Variants in LRP1B observed in about 807,000 individuals in gnomAD.
LRP1B encodes low-density lipoprotein receptor-related protein 1B.
Under a neutral mutation model 556.6 loss-of-function variants are expected in LRP1B, and 217 were observed. The ratio of observed to expected loss-of-function variants is 0.39; its 90% CI spans 0.35 to 0.44. LRP1B has a LOEUF of 0.44. LRP1B is among the 20% of genes least tolerant of loss of function. The pLI is 1.00. For synonymous variants in LRP1B, 2,047 were observed against 1,865.8 expected, an observed-to-expected ratio of 1.10 and a Z score of -2.50; for missense variants, 5,053 against 5,620.8, an observed-to-expected ratio of 0.90 and a Z score of 3.23.
chr2:140,743,965 C>CAAAA (rs780716758), intron 35 of LRP1B, among the ~76,000 whole-genome samples: 4 of 2,546 alleles, frequency 1.6e-3, no homozygotes, highest in Non-Finnish European at 3.6e-3. Flanking sequence ...GACTTGGTCT[C>CAAAA]AAAAAAAAAA....
At chr2:141,088,318 C>G (rs1394919403) in intron 7 of LRP1B, among the ~76,000 whole-genome samples, 1 of 152,112 alleles carries the variant, frequency 6.6e-6, no homozygotes, top group Non-Finnish European at 1.5e-5. Flanking sequence ...TCTTTAATTA[C>G]ATCAATTTCA....
At chr2:141,608,769 G>T (rs1193581186) in intron 2 of LRP1B, among the ~76,000 whole-genome samples, 1 of 152,114 alleles carries the variant, frequency 6.6e-6, no homozygotes, top group Non-Finnish European at 1.5e-5. Context: ...ACACTTTATT[G>T]TAAATTCCCT....
intron 20 of LRP1B, among the ~76,000 whole-genome samples, chr2:140,929,233 G>A (rs1322479199): frequency 1.3e-5 from 2 of 152,070 alleles, no homozygotes; most frequent in Non-Finnish European, 2.9e-5. Flanking sequence ...TATGTAGGCA[G>A]TTACAAACAA....
chr2:141,258,862 C>T (rs300407), intron 3 of LRP1B, among the ~76,000 whole-genome samples: 150,249 of 152,282 alleles, frequency 0.99, 74,147 homozygotes, highest in East Asian at 1. Context: ...TCCTGAGGCC[C>T]CCTCAGCCAT....
intron 18 of LRP1B, among the ~76,000 whole-genome samples, chr2:140,971,990 A>C (rs1050852766): frequency 2.0e-5 from 3 of 152,228 alleles, no homozygotes; most frequent in Non-Finnish European, 4.4e-5. Flanking sequence ...ATCCTCAAGC[A>C]AGAAATTGGG....
chr2:141,434,541 A>G (rs762580885), intron 3 of LRP1B, among the ~76,000 whole-genome samples: 5 of 151,940 alleles, frequency 3.3e-5, no homozygotes, highest in Non-Finnish European at 7.4e-5. Flanking sequence ...CTCCAAACGT[A>G]TTTTTAAGAG....
At chr2:140,614,383 A>T (rs1054118373) in intron 41 of LRP1B, among the ~76,000 whole-genome samples, 1 of 151,838 alleles carries the variant, frequency 6.6e-6, no homozygotes, top group African/African-American at 2.4e-5. Flanking sequence ...TACTGAGTAA[A>T]TTTTTTTTCT....
At chr2:140,386,625 G>C (rs16843881) in intron 66 of LRP1B, among the ~76,000 whole-genome samples, 6,608 of 152,234 alleles carry the variant, frequency 0.043, 153 homozygotes, top group African/African-American at 0.047. Flanking sequence ...TACCAGGAAA[G>C]TATTAACTAG....
chr2:141,079,533 G>C (rs1558845958), intron 7 of LRP1B, among the ~76,000 whole-genome samples: 1 of 152,136 alleles, frequency 6.6e-6, no homozygotes, highest in African/African-American at 2.4e-5. Context: ...TTTTATATTT[G>C]AGCACACTAT....
At chr2:141,995,216 G>C (rs982560691) in intron 1 of LRP1B, among the ~76,000 whole-genome samples, 6 of 152,006 alleles carry the variant, frequency 3.9e-5, no homozygotes, top group African/African-American at 9.7e-5. Context: ...CACAAGTCTC[G>C]GTTGGCCAAA....
chr2:142,047,610 T>C (rs1704306566), intron 1 of LRP1B, among the ~76,000 whole-genome samples: 1 of 151,974 alleles, frequency 6.6e-6, no homozygotes, highest in Non-Finnish European at 1.5e-5. Flanking sequence ...CACAAACTAT[T>C]TCCTATGTCT....
intron 4 of LRP1B, among the ~76,000 whole-genome samples, chr2:141,252,269 C>T (rs1192542229): frequency 4.1e-5 from 6 of 145,684 alleles, no homozygotes; most frequent in African/African-American, 1.5e-4. Flanking sequence ...GGAAAACATT[C>T]AGTGAATCCT....
intron 1 of LRP1B, among the ~76,000 whole-genome samples, chr2:141,841,984 GAA>G (rs1174660009): frequency 6.6e-6 from 1 of 151,914 alleles, no homozygotes; most frequent in Non-Finnish European, 1.5e-5. Flanking sequence ...TAAAGAGTGA[GAA>G]AAAAAGTCAG....
intron 1 of LRP1B, among the ~76,000 whole-genome samples, chr2:141,827,150 A>G (rs571058642): frequency 1.4e-4 from 21 of 152,364 alleles, no homozygotes; most frequent in Admixed American, 5.9e-4. Context: ...AAAATACAGT[A>G]TACTTCTCAG....
At chr2:141,507,128 A>C (rs1379646277) in intron 2 of LRP1B, among the ~76,000 whole-genome samples, 1 of 152,192 alleles carries the variant, frequency 6.6e-6, no homozygotes. Flanking sequence ...AAGTAAAATA[A>C]TTTATTCATG....
chr2:142,005,102 ATTAG>A (rs954066705), intron 1 of LRP1B, among the ~76,000 whole-genome samples: 5 of 148,348 alleles, frequency 3.4e-5, no homozygotes, highest in African/African-American at 7.3e-5. Flanking sequence ...CTATATATTT[ATTAG>A]TTATTTACTA....
chr2:141,625,084 C>A (rs1162653290), intron 2 of LRP1B, among the ~76,000 whole-genome samples: 1 of 152,024 alleles, frequency 6.6e-6, no homozygotes, highest in Non-Finnish European at 1.5e-5. Context: ...AAATTTAAAA[C>A]AAAGATAATG....
chr2:141,536,340 T>A (rs1685068784), intron 2 of LRP1B, among the ~76,000 whole-genome samples: 1 of 152,108 alleles, frequency 6.6e-6, no homozygotes, highest in South Asian at 2.1e-4. Context: ...CAGTAGCTTT[T>A]CCATTAATAG....
chr2:140,359,664 C>T (rs1000644243), intron 72 of LRP1B, among the ~76,000 whole-genome samples: 1 of 151,586 alleles, frequency 6.6e-6, no homozygotes, highest in African/African-American at 2.4e-5. Flanking sequence ...TGTTCTCACT[C>T]TTGAATTATT....
Sources: allele counts gnomAD v4.1 joint callset (sites outside exome capture counted in the v4.1 genomes callset), GRCh38; gene constraint gnomAD v4.1.1; transcripts MANE v1.5; gene names NCBI Gene and HGNC (gene_info 2026-07-23, HGNC 2026-07-21).